The following GPC5 variants were observed in gnomAD, a reference collection of about 807,000 sequenced individuals.
GPC5 encodes the protein glypican-5.
Under a neutral mutation model 53.9 loss-of-function variants are expected in GPC5, and 47 were observed. The ratio of observed to expected loss-of-function variants is 0.87; its 90% confidence interval spans 0.69 to 1.11. The LOEUF is 1.11. GPC5 is among the 50% of genes most tolerant of loss of function. The probability of loss-of-function intolerance (pLI) is 0.00; values close to 1 mark genes in which losing one functional copy is unlikely to be tolerated. For synonymous variants in GPC5, 286 were observed against 263.3 expected (o/e 1.09, Z -0.84); for missense variants, 748 against 713.1 (o/e 1.05, Z -0.56).
chr13:92,787,712 GA>G (rs896135570), intron 7 of GPC5, among the ~76,000 whole-genome samples: 11 of 133,322 alleles, frequency 8.3e-5, no homozygotes, highest in Admixed American at 3.8e-4. Context: ...GAAAGAAAAA[GA>G]AAAAAAAATT....
At chr13:92,597,394 A>T (rs996203412) in intron 7 of GPC5, among the ~76,000 whole-genome samples, 2 of 152,184 alleles carry the variant, frequency 1.3e-5, no homozygotes, top group Non-Finnish European at 2.9e-5. Context: ...CTTTAGCTAC[A>T]TGATGTTTGA....
chr13:91,453,058 A>G (rs1385715345), intron 2 of GPC5, among the ~76,000 whole-genome samples: 1 of 151,914 alleles, frequency 6.6e-6, no homozygotes. Flanking sequence ...TCTAAGTGAC[A>G]TTTAGAACAA....
At chr13:92,386,064 A>G (rs1874704045) in intron 7 of GPC5, among the ~76,000 whole-genome samples, 1 of 151,772 alleles carries the variant, frequency 6.6e-6, no homozygotes, top group Non-Finnish European at 1.5e-5. Context: ...AGCCTATTTA[A>G]AGCTTTGCAA....
chr13:92,075,155 C>A (rs2041242772), intron 6 of GPC5, among the ~76,000 whole-genome samples: 1 of 152,082 alleles, frequency 6.6e-6, no homozygotes, highest in African/African-American at 2.4e-5. Flanking sequence ...TCTGCTGAGG[C>A]CTTTATATTA....
intron 7 of GPC5, among the ~76,000 whole-genome samples, chr13:92,495,724 G>A (rs539614353): frequency 1.4e-5 from 2 of 146,758 alleles, no homozygotes; most frequent in Admixed American, 6.8e-5. Flanking sequence ...TTTTGTTGTT[G>A]TTGTTGTTTA....
chr13:92,578,730 A>G (rs1490603793), intron 7 of GPC5, among the ~76,000 whole-genome samples: 1 of 152,186 alleles, frequency 6.6e-6, no homozygotes, highest in Non-Finnish European at 1.5e-5. Context: ...TTCCGGAAAC[A>G]TCCTCACAGA....
At chr13:92,008,479 G>GT (rs112022636) in intron 6 of GPC5, among the ~76,000 whole-genome samples, 10,213 of 147,108 alleles carry the variant, frequency 0.069, 379 homozygotes, top group African/African-American at 0.1. Flanking sequence ...CTCTTTATGG[G>GT]TTTTTTTTTT....
At chr13:91,839,628 C>G (rs1377208130) in intron 5 of GPC5, among the ~76,000 whole-genome samples, 1 of 152,018 alleles carries the variant, frequency 6.6e-6, no homozygotes, top group Non-Finnish European at 1.5e-5. Flanking sequence ...TTCAAACAGT[C>G]CTTCATCCTG....
chr13:91,712,723 G>C (rs890544085), intron 3 of GPC5, among the ~76,000 whole-genome samples: 1 of 152,000 alleles, frequency 6.6e-6, no homozygotes, highest in African/African-American at 2.4e-5. Flanking sequence ...CAGCTGAGTA[G>C]CCTTAGAACA....
At chr13:91,664,267 C>T (rs2035053635) in intron 2 of GPC5, among the ~76,000 whole-genome samples, 1 of 152,196 alleles carries the variant, frequency 6.6e-6, no homozygotes, top group South Asian at 2.1e-4. Flanking sequence ...TCAGATGTTC[C>T]TGATTACATG....
chr13:91,581,282 G>A (rs1221210366), intron 2 of GPC5, among the ~76,000 whole-genome samples: 1 of 152,132 alleles, frequency 6.6e-6, no homozygotes, highest in Non-Finnish European at 1.5e-5. Flanking sequence ...GAGACTTTTA[G>A]AGAAAATAAA....
intron 6 of GPC5, among the ~76,000 whole-genome samples, chr13:91,916,832 A>G (rs914402919): frequency 1.3e-5 from 2 of 152,108 alleles, no homozygotes; most frequent in African/African-American, 2.4e-5. Flanking sequence ...ACTACCATGA[A>G]AACAGCATCA....
intron 7 of GPC5, among the ~76,000 whole-genome samples, chr13:92,602,207 T>TA (rs1555294269): frequency 8.8e-6 from 1 of 113,334 alleles, no homozygotes; most frequent in African/African-American, 3.2e-5. Flanking sequence ...AATATATATA[T>TA]TACATATATA....
chr13:92,290,673 T>C (rs1183442084), intron 7 of GPC5, among the ~76,000 whole-genome samples: 1 of 152,206 alleles, frequency 6.6e-6, no homozygotes, highest in Non-Finnish European at 1.5e-5. Flanking sequence ...CATTCCTTTT[T>C]ATGGCTGAGT....
In GPC5 at chr13:92,333,970, C is replaced by A. The variant is rs868709446; in HGVS notation, c.1561+188981C>A. On this transcript the variant is annotated intron_variant, in intron 7 of 7. Transcript: ENST00000377067. ...AAACAAAACAAAACAAACAAAAAAA[C>A]CAAATACTATGGGTCAAAAATATTG... 5.3e-5 allele frequency among the ~76,000 whole-genome samples: 8 copies of A among 151,976 alleles called. No individual in the cohort carries two copies. In the South Asian group the frequency reaches 1.2e-3, roughly 24 times the overall value.
intron 7 of GPC5, among the ~76,000 whole-genome samples, chr13:92,531,702 C>G: frequency 6.6e-6 from 1 of 152,166 alleles, no homozygotes; most frequent in East Asian, 1.9e-4. Flanking sequence ...GATTCCATTG[C>G]CTCTGTTGAC....
intron 6 of GPC5, among the ~76,000 whole-genome samples, chr13:92,026,486 C>A (rs1169741483): frequency 1.3e-5 from 2 of 149,030 alleles, no homozygotes; most frequent in African/African-American, 4.9e-5. Flanking sequence ...AAGCAGCAGG[C>A]CAAGAAGATA....
At chr13:92,003,909 C>T (rs1594718058) in intron 6 of GPC5, among the ~76,000 whole-genome samples, 1 of 152,076 alleles carries the variant, frequency 6.6e-6, no homozygotes, top group East Asian at 1.9e-4. Flanking sequence ...AGATTAAAAA[C>T]AAGCCTCTTA....
intron 7 of GPC5, among the ~76,000 whole-genome samples, chr13:92,618,854 A>G (rs1884783369): frequency 6.6e-6 from 1 of 151,978 alleles, no homozygotes; most frequent in South Asian, 2.1e-4. Flanking sequence ...TTATCACATT[A>G]ATAAGAGTCT....
Sources: allele counts gnomAD v4.1 joint callset (sites outside exome capture counted in the v4.1 genomes callset), GRCh38; gene constraint gnomAD v4.1.1; transcripts MANE v1.5; gene names NCBI Gene and HGNC (gene_info 2026-07-23, HGNC 2026-07-21).